ERC2: variants seen among roughly 807,000 people sequenced by gnomAD.
ERC2 encodes the protein ERC protein 2.
In ERC2, 42 loss-of-function variants were observed where a neutral mutation model predicts 114.8. The ratio of observed to expected loss-of-function variants is 0.37; its 90% confidence interval spans 0.29 to 0.47. ERC2 has a LOEUF of 0.47. Ranked by LOEUF, ERC2 falls within the 20% of genes least tolerant of loss-of-function variation. The probability of loss-of-function intolerance (pLI) is 0.99; values close to 1 mark genes in which losing one functional copy is unlikely to be tolerated. For synonymous variants in ERC2, 454 were observed against 425.5 expected, an observed-to-expected ratio of 1.07 and a Z score of -0.82; for missense variants, 939 against 1,150.7, an observed-to-expected ratio of 0.82 and a Z score of 2.66.
intron 17 of ERC2, among the ~76,000 whole-genome samples, chr3:55,584,959 C>T (rs549688468): frequency 2.0e-4 from 30 of 152,294 alleles, no homozygotes; most frequent in Non-Finnish European, 3.5e-4. Flanking sequence ...GCAAAATACC[C>T]GGGGAGTTAC....
intron 2 of ERC2, among the ~76,000 whole-genome samples, chr3:56,318,183 T>C (rs1052208655): frequency 3.3e-5 from 5 of 152,200 alleles, no homozygotes; most frequent in African/African-American, 1.2e-4. Context: ...TTAAAATGTA[T>C]GTCTGTCTCT....
chr3:56,106,435 A>G (rs2078669657), intron 6 of ERC2, among the ~76,000 whole-genome samples: 1 of 152,192 alleles, frequency 6.6e-6, no homozygotes. Flanking sequence ...GGACACAACA[A>G]TAAGTGTGTT....
chr3:55,526,693 A>G (rs1392278990), intron 17 of ERC2, among the ~76,000 whole-genome samples: 1 of 152,216 alleles, frequency 6.6e-6, no homozygotes, highest in Non-Finnish European at 1.5e-5. Context: ...GCCAGGAGGG[A>G]CAAAAGTCCC....
intron 13 of ERC2, among the ~76,000 whole-genome samples, chr3:55,949,728 C>T (rs79636136): frequency 2.0e-5 from 3 of 152,284 alleles, no homozygotes; most frequent in Non-Finnish European, 4.4e-5. Context: ...ACATGAACTC[C>T]GGCCAACTTG....
intron 3 of ERC2, among the ~76,000 whole-genome samples, chr3:56,274,038 G>A (rs750171820): frequency 8.5e-5 from 13 of 152,152 alleles, no homozygotes; most frequent in Non-Finnish European, 1.8e-4. Context: ...GTTACAGCAG[G>A]GGTATCCAAA....
intron 7 of ERC2, among the ~76,000 whole-genome samples, chr3:56,025,127 A>C (rs911090704): frequency 9.8e-5 from 15 of 152,324 alleles, no homozygotes; most frequent in African/African-American, 3.6e-4. Context: ...ATGAATGCAC[A>C]GGTCTGCCAA....
chr3:55,770,586 T>C (rs2068119276), intron 14 of ERC2, among the ~76,000 whole-genome samples: 1 of 152,190 alleles, frequency 6.6e-6, no homozygotes. Flanking sequence ...GGTTGCAATT[T>C]ATCATCACTG....
chr3:55,515,420 T>G (rs2052422278), intron 17 of ERC2, among the ~76,000 whole-genome samples: 1 of 152,074 alleles, frequency 6.6e-6, no homozygotes, highest in African/African-American at 2.4e-5. Context: ...CAGGCTGGAG[T>G]GCAGTGGCGC....
At chr3:55,990,799 A>C (rs1397181916) in intron 11 of ERC2, among the ~76,000 whole-genome samples, 1 of 152,228 alleles carries the variant, frequency 6.6e-6, no homozygotes, top group East Asian at 1.9e-4. Context: ...GCAAAGCATC[A>C]TTTGAATAGG....
chr3:56,063,032 C>A (rs918279627), intron 7 of ERC2, among the ~76,000 whole-genome samples: 21 of 152,140 alleles, frequency 1.4e-4, no homozygotes, highest in African/African-American at 4.8e-4. Context: ...TTAAGAGTAT[C>A]CTCTTTAGAA....
chr3:55,642,508 T>C (rs934881108), intron 17 of ERC2, among the ~76,000 whole-genome samples: 3 of 152,046 alleles, frequency 2.0e-5, no homozygotes, highest in African/African-American at 7.2e-5. Flanking sequence ...TAATTTTTTG[T>C]ATTTTTAGTA....
intron 2 of ERC2, among the ~76,000 whole-genome samples, chr3:56,380,231 C>T (rs2059697682): frequency 6.6e-6 from 1 of 152,094 alleles, no homozygotes; most frequent in Non-Finnish European, 1.5e-5. Flanking sequence ...CTTTATAGAT[C>T]AGAAAACTGA....
intron 14 of ERC2, chr3:55,852,429 C>T (rs2061612594): frequency 6.5e-6 from 1 of 154,772 alleles, no homozygotes; most frequent in Non-Finnish European, 1.5e-5. Context: ...CACATAGCCA[C>T]TTAGTAACAG....
chr3:56,190,548 C>T (rs2083921220), intron 3 of ERC2, among the ~76,000 whole-genome samples: 1 of 152,194 alleles, frequency 6.6e-6, no homozygotes, highest in Admixed American at 6.5e-5. Context: ...GATCCCCCCA[C>T]CTCAGCCTCC....
Position 55,997,070 on chromosome 3 carries a change from A to G in ERC2, c.2062-4820T>C, listed in dbSNP as rs898412373. The stretch of plus-strand genomic sequence containing the variant: ...CTTTGGTCCAGAAACCTGCTGTGAA[A>G]CAAGGCAGGGAACATTCAATTATTA... On this transcript the variant is annotated intron_variant, in intron 10 of 17. Transcript: ENST00000288221. 2.6e-5 allele frequency among the ~76,000 whole-genome samples: 4 copies of G among 152,346 alleles called. No individual in the cohort carries two copies. In the South Asian group the frequency reaches 8.3e-4, roughly 32 times the overall value.
Position 55,655,309 on chromosome 3 carries a change from C to A in ERC2, c.*39+28485G>T, listed in dbSNP as rs557512297. Among the ~76,000 whole-genome samples, 11 of 152,212 alleles carry A rather than the reference C, an allele frequency of 7.2e-5. No individual in the cohort carries two copies. In the South Asian group the frequency reaches 1.9e-3, roughly 26 times the overall value. On this transcript the variant is annotated intron_variant, in intron 17 of 17. Coordinates refer to ENST00000288221, the MANE Select transcript of ERC2 (RefSeq NM_015576.3). ...TGTACTACATCCTTGTCATGTAGTA[C>A]AAAGAAGAGTCTGCTTCCAGGAACC...
intron 1 of ERC2, among the ~76,000 whole-genome samples, chr3:56,439,850 A>G (rs1186442584): frequency 6.6e-6 from 1 of 151,978 alleles, no homozygotes; most frequent in African/African-American, 2.4e-5. Context: ...CCAGAATTCT[A>G]TGTATAAAAC....
At chr3:55,849,475 C>T (rs1458610432) in intron 14 of ERC2, among the ~76,000 whole-genome samples, 1 of 152,164 alleles carries the variant, frequency 6.6e-6, no homozygotes, top group Non-Finnish European at 1.5e-5. Context: ...AGGTTAACAT[C>T]CTCTTTGCAC....
chr3:56,051,437 G>A lies in ERC2; in HGVS notation c.1641+29380C>T, dbSNP rs1460610166. On this transcript the variant is annotated intron_variant, in intron 7 of 17. Coordinates refer to ENST00000288221, the MANE Select transcript of ERC2 (RefSeq NM_015576.3). Reference sequence around the variant, plus strand: ...GAAAAAAAGGGGGTGGGAGTGCAGAGAGAGAGGGAGACAACCTTTGGTCAC... The same window carrying A: ...GAAAAAAAGGGGGTGGGAGTGCAGAAAGAGAGGGAGACAACCTTTGGTCAC... Among the ~76,000 whole-genome samples the A allele has an allele frequency of 2.0e-4, 30 of 152,136 alleles. 1 individual carries two copies. Among genetic ancestry groups the A allele is most frequent in the Admixed American group, 2.0e-3 (30 of 15,272 alleles).
Sources: gnomAD v4.1 joint callset for allele counts (sites outside exome capture counted in the v4.1 genomes callset) on GRCh38, gnomAD v4.1.1 for gene constraint, MANE v1.5 for transcripts, NCBI Gene and HGNC (gene_info 2026-07-23, HGNC 2026-07-21) for gene names.